The following RPS26 variants were observed in gnomAD, a reference collection of about 807,000 sequenced individuals.
RPS26 encodes the protein ribosomal protein S26.
Under a neutral mutation model 14.7 loss-of-function variants are expected in RPS26, and 1 was observed. That is an observed-to-expected ratio of 0.07 (90% confidence interval 0.02 to 0.32). The LOEUF is 0.32. Ranked by LOEUF, RPS26 falls within the 10% of genes least tolerant of loss-of-function variation. The probability of loss-of-function intolerance (pLI) is 1.00; values close to 1 mark genes in which losing one functional copy is unlikely to be tolerated. For synonymous variants in RPS26, 59 were observed against 53.1 expected (o/e 1.11, Z -0.48); for missense variants, 63 against 157.7 (o/e 0.40, Z 3.22).
Position 56,042,595 on chromosome 12 carries a change from C to T in RPS26, c.174C>T (p.Val58=). 6.3e-7 allele frequency: 1 copy of T among 1,598,576 alleles called. No homozygotes were observed. Among genetic ancestry groups the T allele is most frequent in the South Asian group, 1.1e-5 (1 of 91,080 alleles). The change falls in exon 2 of 4, where the codon GTC becomes GTT. Residue 58 remains valine (V), a synonymous_variant. Coordinates refer to ENST00000646449, the MANE Select transcript of RPS26 (RefSeq NM_001029.5). ...AAVRDISEAS[V]FDAYVLPKLY... Reference sequence around the variant, plus strand: ...TCAGGGACATTTCTGAAGCGAGCGTCTTCGATGGTAAGTGGGTCACCGGCG... The same window carrying T: ...TCAGGGACATTTCTGAAGCGAGCGTTTTCGATGGTAAGTGGGTCACCGGCG...
rs753868018 is a variant in RPS26 at position 56,043,475 on chromosome 12, A to G, written c.294A>G (p.Pro98=). Residue 98 remains proline, a synonymous_variant, in exon 3 of 4, where the codon CCA becomes CCG. Coordinates refer to ENST00000646449, the MANE Select transcript of RPS26 (RefSeq NM_001029.5). ...SREARKDRTP[P]PRFRPAGAAP... ...AAGCCCGCAAGGACCGAACACCCCC[A>G]CCCCGATTTAGACCTGCGGTGAGTA... The G allele has an allele frequency of 6.8e-6, 11 of 1,613,610 alleles. No individual in the cohort carries two copies. The highest frequency in any genetic ancestry group is 9.3e-6 in the Non-Finnish European group (11 of 1,179,858).
chr12:56,044,097 C>G (rs1565846075), intron 3 of RPS26, 22 bp from the exon 4 acceptor site: 1 of 1,611,570 alleles, frequency 6.2e-7, no homozygotes, highest in Non-Finnish European at 8.5e-7. Context: ...TTAATTTACT[C>G]TTTTGTTTCT....
At chr12:56,042,721 A>G in intron 2 of RPS26, 119 bp downstream of exon 2, 1 of 834,614 alleles carries the variant, frequency 1.2e-6, no homozygotes, top group South Asian at 1.4e-5. Flanking sequence ...CACGTATTTA[A>G]GGTTGTTACT....
chr12:56,044,454 C>T lies in RPS26; in HGVS notation c.*300C>T, dbSNP rs1895937759. 2.9e-6 allele frequency: 1 copy of T among 339,930 alleles called. No individual in the cohort carries two copies. The highest frequency in any genetic ancestry group is 4.7e-5 in the Admixed American group (1 of 21,240). The allele number at this position is 339,930 out of a possible 1,614,324, so 21.1% of individuals were successfully genotyped here. A position where few individuals can be genotyped will look rare whatever the true frequency, so the allele number is the denominator to read the frequency against. On this transcript the variant is annotated 3_prime_UTR_variant, in exon 4 of 4. Transcript: ENST00000646449. ...CGTCTCCCGGGTTCAAGTGATTCTCCTGCCTCAGCTTCTTGAGTAGCTGGG... is the reference window on the plus strand; with the variant it reads ...CGTCTCCCGGGTTCAAGTGATTCTCTTGCCTCAGCTTCTTGAGTAGCTGGG...
chr12:56,044,292 A>C lies in RPS26; in HGVS notation c.*138A>C, dbSNP rs1441740070. On this transcript the variant is annotated 3_prime_UTR_variant, in exon 4 of 4. Transcript: ENST00000646449. ...TGTGTGTTAGACCAAGTGTGAAGTG[A>C]CACACATTATTTTCATGGGGAAGAA... 3.0e-6 allele frequency: 2 copies of C among 671,784 alleles called. No individual in the cohort carries two copies. The highest frequency in any genetic ancestry group is 5.4e-6 in the Non-Finnish European group (2 of 373,570). 41.6% of individuals were successfully genotyped at this position (671,784 alleles called of 1,614,324 possible). A position where few individuals can be genotyped will look rare whatever the true frequency, so the allele number is the denominator to read the frequency against.
Position 56,041,951 on chromosome 12 carries a change from T to G in RPS26, c.-216T>G. On this transcript the variant is annotated 5_prime_UTR_variant, in exon 1 of 4. It removes an upstream start codon present in the reference 5' UTR. Coordinates refer to ENST00000646449, the MANE Select transcript of RPS26 (RefSeq NM_001029.5). ...TCCGCCATCCGGCTAAATAGTCCCA[T>G]GTGCACTTTGTTCCATGGATAAATA... 2 of 650,814 alleles carry G rather than the reference T, an allele frequency of 3.1e-6. No homozygotes were observed. Among genetic ancestry groups the G allele is most frequent in the Non-Finnish European group, 5.6e-6 (2 of 358,540 alleles). 40.3% of individuals were successfully genotyped at this position (650,814 alleles called of 1,614,324 possible). A position where few individuals can be genotyped will look rare whatever the true frequency, so the allele number is the denominator to read the frequency against.
In RPS26 at chr12:56,042,134, C is replaced by T. The variant is rs372794158; in HGVS notation, c.-33C>T. 41 of 1,613,492 alleles carry T rather than the reference C, an allele frequency of 2.5e-5. No individual in the cohort carries two copies. The highest frequency in any genetic ancestry group is 6.7e-5 in the African/African-American group (5 of 74,934). On this transcript the variant is annotated 5_prime_UTR_variant, in exon 1 of 4. Transcript: ENST00000646449. ...TGCTATATAGGAGGGCCCTGCCAGGCACCGTCTCCTCTCTCCGGTCCGTGC... is the reference window on the plus strand; with the variant it reads ...TGCTATATAGGAGGGCCCTGCCAGGTACCGTCTCCTCTCTCCGGTCCGTGC...
intron 2 of RPS26, chr12:56,042,880 A>G (rs940358161): frequency 9.3e-6 from 5 of 539,360 alleles, no homozygotes; most frequent in Admixed American, 6.3e-5. Context: ...TAAATTTGAC[A>G]ATTCTTGTGC....
intron 3 of RPS26, 43 bp from the exon 4 acceptor site, chr12:56,044,076 A>G: frequency 6.3e-7 from 1 of 1,581,074 alleles, no homozygotes; most frequent in Non-Finnish European, 8.7e-7. Flanking sequence ...GGAGTCTTGG[A>G]TCCATGGGTT....
intron 1 of RPS26, 22 bp from the exon 2 acceptor site, chr12:56,042,403 C>T (rs989743550): frequency 2.2e-5 from 35 of 1,613,232 alleles, no homozygotes; most frequent in Non-Finnish European, 2.9e-5. Flanking sequence ...GTTTTCCTAA[C>T]AGTTTTCCCA....
Position 56,042,153 on chromosome 12 carries a change from T to C in RPS26, c.-14T>C, listed in dbSNP as rs1895893348. The C allele has an allele frequency of 6.2e-7, 1 of 1,613,932 alleles. No homozygotes were observed. The highest frequency in any genetic ancestry group is 1.3e-5 in the African/African-American group (1 of 74,908). ...GCCAGGCACCGTCTCCTCTCTCCGG[T>C]CCGTGCCTCCAAGATGGTGAGTCTT... On this transcript the variant is annotated 5_prime_UTR_variant, in exon 1 of 4. Transcript: ENST00000646449.
intron 3 of RPS26, 152 bp from the exon 4 acceptor site, chr12:56,043,967 A>C: frequency 1.3e-6 from 1 of 792,186 alleles, no homozygotes; most frequent in Non-Finnish European, 2.3e-6. Flanking sequence ...TTTAGGATGC[A>C]GAGTAGTGTT....
chr12:56,043,738 G>C (rs1406071754), intron 3 of RPS26, among the ~76,000 whole-genome samples: 5 of 152,044 alleles, frequency 3.3e-5, no homozygotes, highest in Non-Finnish European at 7.4e-5. Context: ...TTGAGCCCAG[G>C]AGTTTGAGGT....
Position 56,042,616 on chromosome 12 carries a change from C to T in RPS26, c.181+14C>T, listed in dbSNP as rs1212317910. On this transcript the variant is annotated intron_variant, in intron 2 of 3. Transcript: ENST00000646449. ...GCGTCTTCGATGGTAAGTGGGTCAC[C>T]GGCGCGAACTGTGTGAGGATCCCAG... 3 of 1,596,142 alleles carry T rather than the reference C, an allele frequency of 1.9e-6. No individual in the cohort carries two copies. Among genetic ancestry groups the T allele is most frequent in the Non-Finnish European group, 2.5e-6 (3 of 1,177,656 alleles).
chr12:56,043,283 T>A, intron 2 of RPS26, 80 bp from the exon 3 acceptor site: 1 of 1,335,510 alleles, frequency 7.5e-7, no homozygotes, highest in African/African-American at 1.4e-5. Context: ...GACGTAAACA[T>A]GTAAGGTGCT....
In RPS26 at chr12:56,042,184, G is replaced by T. The variant is rs1186835761; in HGVS notation, c.3+15G>T. On this transcript the variant is annotated intron_variant, in intron 1 of 3. Coordinates refer to ENST00000646449, the MANE Select transcript of RPS26 (RefSeq NM_001029.5). ...CCTCCAAGATGGTGAGTCTTCTTGC[G>T]TGGTGAGGGTGGGGGTTCGGGTGCA... is the stretch of plus-strand genomic sequence containing the variant. The T allele has an allele frequency of 1.2e-6, 2 of 1,613,944 alleles. No individual in the cohort carries two copies. Among genetic ancestry groups the T allele is most frequent in the Non-Finnish European group, 1.7e-6 (2 of 1,180,016 alleles).
chr12:56,042,704 C>T, intron 2 of RPS26, 102 bp downstream of exon 2: 1 of 935,256 alleles, frequency 1.1e-6, no homozygotes, highest in South Asian at 1.3e-5. Flanking sequence ...GCCTCTCAGG[C>T]AATTTCCACG....
At chr12:56,043,587 CTT>C in intron 3 of RPS26, 94 bp downstream of exon 3, 2 of 1,264,178 alleles carry the variant, frequency 1.6e-6, no homozygotes, top group Admixed American at 1.8e-5. Flanking sequence ...AACCTCAACA[CTT>C]TGGGAGGCTG....
chr12:56,042,189 G>A lies in RPS26; in HGVS notation c.3+20G>A, dbSNP rs759864837. ...AAGATGGTGAGTCTTCTTGCGTGGT[G>A]AGGGTGGGGGTTCGGGTGCAGACTC... is the stretch of plus-strand genomic sequence containing the variant. On this transcript the variant is annotated intron_variant, in intron 1 of 3. Coordinates refer to ENST00000646449, the MANE Select transcript of RPS26 (RefSeq NM_001029.5). The A allele has an allele frequency of 6.8e-6, 11 of 1,614,082 alleles. No homozygotes were observed. The highest frequency in any genetic ancestry group is 1.1e-5 in the South Asian group (1 of 91,076).
Sources: gnomAD v4.1 joint callset for allele counts (sites outside exome capture counted in the v4.1 genomes callset) on GRCh38, gnomAD v4.1.1 for gene constraint, MANE v1.5 for transcripts, NCBI Gene and HGNC (gene_info 2026-07-23, HGNC 2026-07-21) for gene names.